Variants in DGKB observed in about 807,000 individuals in gnomAD.
DGKB encodes the protein 90 kDa diacylglycerol kinase.
A neutral mutation model predicts 114.3 loss-of-function variants in DGKB; 67 were observed. The ratio of observed to expected loss-of-function variants is 0.59; its 90% confidence interval spans 0.48 to 0.72. The LOEUF (loss-of-function observed/expected upper bound fraction) is 0.72. DGKB is among the 30% of genes least tolerant of loss of function. DGKB has a pLI of 0.00. For synonymous variants in DGKB, 398 were observed against 323.1 expected (o/e 1.23, Z -2.49); for missense variants, 907 against 975.2 (o/e 0.93, Z 0.93).
At chr7:14,588,372 A>G (rs1195559348) in intron 17 of DGKB, among the ~76,000 whole-genome samples, 1 of 152,046 alleles carries the variant, frequency 6.6e-6, no homozygotes, top group Non-Finnish European at 1.5e-5. Flanking sequence ...CAATTTCATC[A>G]TCCCTTTGAT....
At chr7:14,769,264 AAGAAAG>A (rs1197080901) in intron 2 of DGKB, among the ~76,000 whole-genome samples, 4 of 96,308 alleles carry the variant, frequency 4.2e-5, no homozygotes, top group Non-Finnish European at 8.2e-5. Flanking sequence ...GAAAGAAAGA[AAGAAAG>A]AAAGAAAGAA....
At chr7:14,973,445 G>A (rs1435176790) in intron 1 of DGKB, among the ~76,000 whole-genome samples, 2 of 151,018 alleles carry the variant, frequency 1.3e-5, no homozygotes, top group African/African-American at 4.9e-5. Context: ...CATATGGATT[G>A]AAAATTAAGT....
intron 6 of DGKB, among the ~76,000 whole-genome samples, chr7:14,707,012 G>C (rs1401025402): frequency 1.5e-3 from 231 of 150,458 alleles, no homozygotes; most frequent in South Asian, 2.6e-3. Context: ...CCTTCAAAAA[G>C]TCAATGAATC....
chr7:14,587,717 C>G (rs933823405), intron 17 of DGKB, among the ~76,000 whole-genome samples: 5 of 152,110 alleles, frequency 3.3e-5, no homozygotes, highest in African/African-American at 1.2e-4. Flanking sequence ...CCATTAAAAT[C>G]AAGGCTAAAC....
chr7:14,343,903 A>G (rs1812035744), intron 22 of DGKB, among the ~76,000 whole-genome samples: 1 of 147,852 alleles, frequency 6.8e-6, no homozygotes, highest in African/African-American at 2.5e-5. Context: ...ATTTAACTAT[A>G]TATGTAGTTA....
rs1810410095 is a variant in DGKB, at chr7:14,634,710, G to T, written c.1135-4442C>A. Reference sequence around the variant, plus strand: ...ATAAAATGACACTTTGTCTTAGCTGGACAGGTAAAGTTGTTCTCTCAAACA... The same window carrying T: ...ATAAAATGACACTTTGTCTTAGCTGTACAGGTAAAGTTGTTCTCTCAAACA... On this transcript the variant is annotated intron_variant, in intron 13 of 25. Transcript: ENST00000402815. Among the ~76,000 whole-genome samples, 6 of 151,614 alleles carry T rather than the reference G, an allele frequency of 4.0e-5. No homozygotes were observed. In the South Asian group the frequency reaches 1.2e-3, roughly 31 times the overall value.
At chr7:14,683,071 C>T (rs1821106815) in intron 10 of DGKB, among the ~76,000 whole-genome samples, 2 of 152,124 alleles carry the variant, frequency 1.3e-5, no homozygotes, top group Admixed American at 1.3e-4. Context: ...TCTATCATGG[C>T]ATAGCAGGAA....
intron 23 of DGKB, among the ~76,000 whole-genome samples, chr7:14,280,214 C>A (rs912851029): frequency 6.6e-6 from 1 of 152,028 alleles, no homozygotes; most frequent in Admixed American, 6.5e-5. Flanking sequence ...GTGAGGAATG[C>A]AGAAGCCTCA....
intron 20 of DGKB, among the ~76,000 whole-genome samples, chr7:14,522,519 A>G (rs1789953963): frequency 6.6e-6 from 1 of 152,138 alleles, no homozygotes. Flanking sequence ...GGCCACTTAA[A>G]CTGGTGATAC....
In DGKB at chr7:14,803,440, G is replaced by A. The variant is rs1013326371; in HGVS notation, c.70+37754C>T. On this transcript the variant is annotated intron_variant, in intron 2 of 25. Transcript: ENST00000402815. ...TGTGTTTGTGTGTAAGATGTAAGAA[G>A]TGTAAAAAGTGATTACAATGTAACT... 2.0e-5 allele frequency among the ~76,000 whole-genome samples: 3 copies of A among 152,076 alleles called. No individual in the cohort carries two copies. In the South Asian group the frequency reaches 6.2e-4, roughly 31 times the overall value.
intron 5 of DGKB, among the ~76,000 whole-genome samples, chr7:14,728,132 T>G (rs1160459993): frequency 6.6e-6 from 1 of 152,154 alleles, no homozygotes; most frequent in South Asian, 2.1e-4. Context: ...ACAGTGCAAA[T>G]TAACCATTGC....
At chr7:14,439,632 A>G (rs1039497301) in intron 21 of DGKB, among the ~76,000 whole-genome samples, 1 of 151,954 alleles carries the variant, frequency 6.6e-6, no homozygotes, top group African/African-American at 2.4e-5. Flanking sequence ...GGGAGGCCGA[A>G]GTGGATGGAT....
At chr7:14,766,796 G>T (rs1035723611) in intron 2 of DGKB, among the ~76,000 whole-genome samples, 8 of 151,822 alleles carry the variant, frequency 5.3e-5, no homozygotes, top group Non-Finnish European at 1.0e-4. Context: ...GATGCAATCT[G>T]CTAGGAAACT....
At chr7:14,530,092 G>C (rs1991688) in intron 20 of DGKB, among the ~76,000 whole-genome samples, 27,272 of 151,412 alleles carry the variant, frequency 0.18, 3,802 homozygotes, top group East Asian at 0.54. Context: ...CATTAAAGGT[G>C]TCTGCTTTAC....
At chr7:14,334,012 A>C (rs1277922629) in intron 23 of DGKB, among the ~76,000 whole-genome samples, 1 of 151,984 alleles carries the variant, frequency 6.6e-6, no homozygotes, top group Non-Finnish European at 1.5e-5. Context: ...AAGCCAGTAC[A>C]AAATTATTAT....
intron 1 of DGKB, among the ~76,000 whole-genome samples, chr7:14,921,879 A>G (rs375833058): frequency 3.3e-5 from 5 of 152,202 alleles, no homozygotes; most frequent in African/African-American, 1.2e-4. Context: ...TAAAACAGTC[A>G]TTTCAGTAGC....
At chr7:14,878,351 G>T (rs929846946) in intron 1 of DGKB, among the ~76,000 whole-genome samples, 47 of 152,282 alleles carry the variant, frequency 3.1e-4, no homozygotes, top group Admixed American at 2.9e-3. Flanking sequence ...TTAAAAGACT[G>T]TCAGCAGCCA....
chr7:14,386,871 T>C (rs950426961), intron 21 of DGKB, among the ~76,000 whole-genome samples: 6 of 152,118 alleles, frequency 3.9e-5, no homozygotes, highest in Non-Finnish European at 7.4e-5. Context: ...TTTAAGTTTA[T>C]TCTTTTAAAA....
intron 23 of DGKB, among the ~76,000 whole-genome samples, chr7:14,291,822 T>G (rs1324096553): frequency 6.6e-6 from 1 of 152,148 alleles, no homozygotes; most frequent in Non-Finnish European, 1.5e-5. Flanking sequence ...GCGGCAAAGA[T>G]CTTGTTGCCC....
Sources: allele counts gnomAD v4.1 joint callset (sites outside exome capture counted in the v4.1 genomes callset), GRCh38; gene constraint gnomAD v4.1.1; transcripts MANE v1.5; gene names NCBI Gene and HGNC (gene_info 2026-07-23, HGNC 2026-07-21).